The following XIST variants were observed in gnomAD, a reference collection of about 807,000 sequenced individuals.
XIST encodes X inactive specific transcript.
chrX:73,824,038 GC>G (rs750505005), exon 6 of XIST: 4 of 554,423 alleles, frequency 7.2e-6, no homozygotes, highest in South Asian at 2.3e-5. Flanking sequence ...AAATGTTTGT[GC>G]CCCCAGTTGT....
At chrX:73,851,666 T>C (rs1025092736) in exon 1 of XIST, 1 of 558,708 alleles carries the variant, frequency 1.8e-6, no homozygotes, top group Non-Finnish European at 3.2e-6. Context: ...CACGCAAAGC[T>C]CCTAACAAGC....
chrX:73,827,634 G>T (rs766209213), exon 6 of XIST: 1 of 549,858 alleles, frequency 1.8e-6, no homozygotes, highest in East Asian at 3.3e-5. Context: ...AAGGGGAAGG[G>T]GTAACAAATA....
chrX:73,845,155 C>A (rs755278913), exon 1 of XIST: 1 of 553,282 alleles, frequency 1.8e-6, no homozygotes, highest in African/African-American at 2.3e-5. Flanking sequence ...CAATTGTGCA[C>A]CTTGACTGTC....
At position 73,851,194 on chromosome X, in the gene XIST, G is replaced by C. The variant is rs201326775; in HGVS notation, n.1530C>G. 2.9e-5 allele frequency: 16 copies of C among 558,239 alleles called. No homozygotes were observed. In the Admixed American group the frequency reaches 3.1e-4, roughly 11 times the overall value. 46.0% of individuals were successfully genotyped at this position (558,239 alleles called of 1,213,427 possible). A position where few individuals can be genotyped will look rare whatever the true frequency, so the allele number is the denominator to read the frequency against. ...TTTTCTCCCGCTCTGCGTGGCACTA[G>C]GCGGCAAAACCCGCCATCTTTAACA... On this transcript the variant is annotated non_coding_transcript_exon_variant, in exon 1 of 6. Transcript: ENST00000429829.
At chrX:73,849,320 G>A (rs1242391179) in exon 1 of XIST, 1 of 558,978 alleles carries the variant, frequency 1.8e-6, no homozygotes, top group African/African-American at 2.2e-5. Flanking sequence ...ACAAAAGACG[G>A]GTTGTCTGCG....
In XIST at chrX:73,826,559, G is replaced by C. The variant is rs368962382; in HGVS notation, n.13342C>G. ...CAACATCAAAAAGTACATCTCAAAA[G>C]AATCAGGCTTAAAGATAAACAGGAG... On this transcript the variant is annotated non_coding_transcript_exon_variant, in exon 6 of 6. Coordinates refer to ENST00000429829, the Ensembl canonical transcript of XIST. The C allele has an allele frequency of 1.9e-4, 104 of 557,546 alleles. 4 individuals carry two copies. The highest frequency in any genetic ancestry group is 1.6e-3 in the East Asian group (49 of 30,734). 45.9% of individuals were successfully genotyped at this position (557,546 alleles called of 1,213,427 possible). A position where few individuals can be genotyped will look rare whatever the true frequency, so the allele number is the denominator to read the frequency against.
exon 6 of XIST, chrX:73,821,645 C>G (rs749063822): frequency 1.8e-6 from 1 of 553,286 alleles, no homozygotes; most frequent in Non-Finnish European, 3.3e-6. Context: ...GCAGGTTGCC[C>G]TTAAAACAGG....
exon 1 of XIST, chrX:73,849,380 G>A (rs777516739): frequency 1.8e-6 from 1 of 558,962 alleles, no homozygotes. Flanking sequence ...AATCCAATGG[G>A]TAGGATTATT....
exon 1 of XIST, chrX:73,843,762 A>T (rs377066238): frequency 2.5e-5 from 14 of 556,437 alleles, no homozygotes; most frequent in Non-Finnish European, 3.9e-5. Flanking sequence ...AAACACTAAG[A>T]AAGTAGGTAG....
chrX:73,849,290 C>A, exon 1 of XIST: 1 of 559,123 alleles, frequency 1.8e-6, no homozygotes, highest in Non-Finnish European at 3.2e-6. Context: ...ACAATTGGGA[C>A]TGAGCATTTT....
At chrX:73,828,338 G>A (rs1251461425) in intron 5 of XIST, 1 of 170,262 alleles carries the variant, frequency 5.9e-6, no homozygotes, top group East Asian at 1.4e-4. Context: ...CCTTTTACTT[G>A]ACATGTGCCA....
Position 73,829,235 on chromosome X carries a change from T to TA in XIST, n.11753-5dup, listed in dbSNP as rs766011392. 277 of 551,515 alleles carry TA rather than the reference T, an allele frequency of 5.0e-4. 2 individuals carry two copies. Among genetic ancestry groups the TA allele is most frequent in the Non-Finnish European group, 1.4e-4 (42 of 306,108 alleles). 45.5% of individuals were successfully genotyped at this position (551,515 alleles called of 1,213,427 possible). ...GGCAGATAGGAACAATGAAGAGCTATAAAAAAACATGAGATAAACCATGTA... is the reference window on the plus strand; with the variant it reads ...GGCAGATAGGAACAATGAAGAGCTATAAAAAAAACATGAGATAAACCATGTA... On this transcript the variant is annotated splice_region_variant and splice_polypyrimidine_tract_variant and intron_variant and non_coding_transcript_variant, in intron 4 of 5. Transcript: ENST00000429829.
At chrX:73,850,732 G>C (rs1387253743) in exon 1 of XIST, 2 of 251,869 alleles carry the variant, frequency 7.9e-6, no homozygotes, top group Admixed American at 7.8e-5. Flanking sequence ...GGGGGGTGGG[G>C]GGTGGGGGTG....
chrX:73,833,326 G>A lies in XIST; in HGVS notation n.11455C>T, dbSNP rs755777990. ...AAGGGAAAGATATGATTAATTTGGAGCCTCTTATAGCTGTTTGCAGTCCTC... is the reference window on the plus strand; with the variant it reads ...AAGGGAAAGATATGATTAATTTGGAACCTCTTATAGCTGTTTGCAGTCCTC... On this transcript the variant is annotated non_coding_transcript_exon_variant, in exon 3 of 6. Transcript: ENST00000429829. The A allele has an allele frequency of 2.7e-5, 15 of 556,344 alleles. No homozygotes were observed. In the African/African-American group the frequency reaches 3.4e-4, roughly 12 times the overall value. 45.8% of individuals were successfully genotyped at this position (556,344 alleles called of 1,213,427 possible).
exon 1 of XIST, chrX:73,846,822 C>A (rs746164818): frequency 2.2e-5 from 12 of 557,602 alleles, no homozygotes; most frequent in Middle Eastern, 3.1e-4. Context: ...TCATTAGGCA[C>A]ATTAACAGTT....
rs189693729 is a variant in XIST, at chrX:73,851,035, C to G, written n.1689G>C. ...GCTGCGAAGTGCCATGCTAATTCACCCAGGTCTTCGCTGAGTAGCTGGACA... is the reference window on the plus strand; with the variant it reads ...GCTGCGAAGTGCCATGCTAATTCACGCAGGTCTTCGCTGAGTAGCTGGACA... On this transcript the variant is annotated non_coding_transcript_exon_variant, in exon 1 of 6. Transcript: ENST00000429829. The G allele has an allele frequency of 6.5e-4, 364 of 558,079 alleles. 3 individuals carry two copies. The East Asian group carries it at 0.011, about 18-fold the overall frequency. The allele number at this position is 558,079 out of a possible 1,213,427, so 46.0% of individuals were successfully genotyped here.
exon 1 of XIST, chrX:73,842,859 A>T (rs41310673): frequency 0.063 from 34,920 of 555,937 alleles, 1,249 homozygotes; most frequent in African/African-American, 0.21. Flanking sequence ...AATAGCTGCA[A>T]ATATGGACAC....
exon 6 of XIST, chrX:73,826,941 C>G (rs770950922): frequency 4.3e-5 from 24 of 556,869 alleles, no homozygotes; most frequent in Non-Finnish European, 6.8e-5. Flanking sequence ...CCATCCAACT[C>G]AGGCCTTCGG....
chrX:73,828,879 A>C (rs1922321121), intron 5 of XIST: 3 of 369,274 alleles, frequency 8.1e-6, no homozygotes, highest in South Asian at 1.3e-4. Flanking sequence ...ACTGGTAAGA[A>C]GACCATAATG....
Sources: allele counts gnomAD v4.1 joint callset, GRCh38; gene constraint gnomAD v4.1.1; transcripts MANE v1.5; gene names NCBI Gene and HGNC (gene_info 2026-07-23, HGNC 2026-07-21).